The following BEST2 variants were observed in gnomAD, a reference collection of about 807,000 sequenced individuals.
BEST2 encodes the protein bestrophin-2a.
In BEST2, 36 loss-of-function variants were observed where a neutral mutation model predicts 49.0. The observed-to-expected ratio is 0.73, with a 90% CI of 0.56 to 0.97. The LOEUF (loss-of-function observed/expected upper bound fraction) is 0.97. BEST2 is among the 50% of genes least tolerant of loss of function. BEST2 has a pLI of 0.00. For missense variants in BEST2, 672 were observed against 710.0 expected (o/e 0.95, Z 0.61); for synonymous variants, 335 against 304.4 (o/e 1.10, Z -1.05).
rs760251223 is a variant in BEST2 at position 12,752,692 on chromosome 19, C to T, written c.100C>T (p.Arg34Ter). The T allele has an allele frequency of 1.7e-5, 28 of 1,607,702 alleles. No individual in the cohort carries two copies. The highest frequency in any genetic ancestry group is 4.5e-5 in the East Asian group (2 of 44,626). Residue 34 changes from arginine to a stop codon, truncating the protein, a stop_gained, in exon 2 of 10, where the codon CGA becomes TGA. Coordinates refer to ENST00000553030, the MANE Select transcript of BEST2 (RefSeq NM_017682.3). LOFTEE classifies it high-confidence loss of function. ...TGGGAGCATCTACAAACTCCTGTGG[C>T]GAGAGCTGCTCTGCTTCCTTGGGTT... ...WRGSIYKLLWRELLCFLGFYM... is the reference protein window; with the variant it reads ...WRGSIYKLLW
At position 12,757,654 on chromosome 19, in the gene BEST2, G is replaced by A; in HGVS notation, c.1107G>A (p.Leu369=). 1 of 1,537,168 alleles carries A rather than the reference G, an allele frequency of 6.5e-7. No individual in the cohort carries two copies. Among genetic ancestry groups the A allele is most frequent in the Non-Finnish European group, 8.7e-7 (1 of 1,147,006 alleles). The part of the protein sequence containing the change: ...SFQGSTFDIT[L]AKEDMQFQRL... ...TGGCCCACTGTCGGTCCCGCAGGCT[G>A]GCCAAAGAAGACATGCAGTTCCAGC... is the stretch of plus-strand genomic sequence containing the variant. The change falls in exon 10 of 10, where the codon CTG becomes CTA. Residue 369 remains leucine (L), a synonymous_variant. Coordinates refer to ENST00000553030, the MANE Select transcript of BEST2 (RefSeq NM_017682.3).
chr19:12,755,843 C>T lies in BEST2; in HGVS notation c.868-12C>T, dbSNP rs1363414291. The T allele has an allele frequency of 6.2e-7, 1 of 1,613,998 alleles. No individual in the cohort carries two copies. Among genetic ancestry groups the T allele is most frequent in the African/African-American group, 1.3e-5 (1 of 74,934 alleles). On this transcript the variant is annotated splice_polypyrimidine_tract_variant and intron_variant, in intron 7 of 9. Transcript: ENST00000553030. This position sits in a 1 kb window ranked among gnomAD's most constrained non-coding sequence, Gnocchi z 4.4. ...TCCCAAGTTTCCACCTAACTGCTCC[C>T]TCTCCTCTCAGGTAGCTGAGCAGCT...
In BEST2 at chr19:12,756,258, C is replaced by A; in HGVS notation, c.1066C>A (p.Arg356=). 2.5e-6 allele frequency: 4 copies of A among 1,613,914 alleles called. No homozygotes were observed. The highest frequency in any genetic ancestry group is 3.4e-6 in the Non-Finnish European group (4 of 1,180,046). ...PYTAATVFQL[R]QPSFQGSTFD... ...CACAGCGGCTACTGTCTTCCAGCTG[C>A]GGCAGCCTTCCTTCCAGGGCTCCAC... The change falls in exon 9 of 10, where the codon CGG becomes AGG. Residue 356 remains arginine (R), a synonymous_variant. Coordinates refer to ENST00000553030, the MANE Select transcript of BEST2 (RefSeq NM_017682.3).
chr19:12,753,958 A>C (rs1411149212), intron 3 of BEST2, among the ~76,000 whole-genome samples: 1 of 148,910 alleles, frequency 6.7e-6, no homozygotes, highest in Non-Finnish European at 1.5e-5. Context: ...CAGTCTGCCC[A>C]CGTGCCCCTA....
At chr19:12,756,421 T>C in intron 9 of BEST2, 126 bp downstream of exon 9, 1 of 1,306,868 alleles carries the variant, frequency 7.7e-7, no homozygotes, top group Non-Finnish European at 1.1e-6. Context: ...CTCAGGACTG[T>C]GATAACGCCA....
intron 3 of BEST2, among the ~76,000 whole-genome samples, chr19:12,753,997 C>T (rs1043697455): frequency 6.7e-5 from 10 of 149,492 alleles, no homozygotes; most frequent in Non-Finnish European, 1.0e-4. Context: ...TATCCCCATA[C>T]TGGGATCCCA....
rs1048801443 is a variant in BEST2, at chr19:12,754,917, G to A, written c.522G>A (p.Leu174=). The A allele has an allele frequency of 6.2e-7, 1 of 1,613,882 alleles. No homozygotes were observed. The highest frequency in any genetic ancestry group is 8.5e-7 in the Non-Finnish European group (1 of 1,179,894). The change falls in exon 5 of 10, where the codon CTG becomes CTA. Residue 174 remains leucine, a synonymous_variant. Transcript: ENST00000553030. ...AGGAGCGCAAGAAGTTTGAAAACCT[G>A]AACTCATCCTACAACAAGTACTGGG... is the stretch of plus-strand genomic sequence containing the variant. The part of the protein sequence containing the change: ...TREERKKFEN[L]NSSYNKYWVP...
intron 1 of BEST2, 72 bp from the exon 2 acceptor site, chr19:12,752,470 G>C (rs767658400): frequency 9.8e-5 from 102 of 1,043,442 alleles, no homozygotes; most frequent in South Asian, 1.3e-4. Flanking sequence ...AGGACTGAAG[G>C]GGTGGCGGGC....
At position 12,754,943 on chromosome 19, in the gene BEST2, T is replaced by G; in HGVS notation, c.548T>G (p.Val183Gly). 1.2e-6 allele frequency: 2 copies of G among 1,613,930 alleles called. No homozygotes were observed. The highest frequency in any genetic ancestry group is 1.7e-6 in the Non-Finnish European group (2 of 1,179,920). The change falls in exon 5 of 10, where the codon GTG (valine) becomes GGG (glycine). Residue 183 changes from valine (V) to glycine (G), a missense_variant. Val to Gly is a moderately radical substitution (Grantham distance 109). Transcript: ENST00000553030. ...NLNSSYNKYW[V>G]PCVWFSNLAA... ...AACTCATCCTACAACAAGTACTGGG[T>G]GCCCTGCGTCTGGTTCTCCAACCTG...
In BEST2 at chr19:12,752,580, G is replaced by A. The variant is rs780216065; in HGVS notation, c.-13G>A. 1.9e-6 allele frequency: 3 copies of A among 1,610,326 alleles called. No homozygotes were observed. The highest frequency in any genetic ancestry group is 1.7e-6 in the Non-Finnish European group (2 of 1,179,140). On this transcript the variant is annotated 5_prime_UTR_variant, in exon 2 of 10. Transcript: ENST00000553030. The stretch of plus-strand genomic sequence containing the variant: ...CACCCACTCTCCCTTGGCCACACCT[G>A]CCGGGTGCCACGATGACCGTCACCT...
chr19:12,758,057 G>A lies in BEST2; in HGVS notation c.1510G>A (p.Glu504Lys), dbSNP rs1406222823. Residue 504 changes from glutamate to lysine, a missense_variant, in exon 10 of 10, where the codon GAG (glutamate) becomes AAG (lysine). Physicochemically the swap from Glu to Lys is moderately conservative, Grantham distance 56. This residue lies in a region of BEST2 where 291 missense variants were observed against 279.8 expected (regional missense o/e 1.04). Coordinates refer to ENST00000553030, the MANE Select transcript of BEST2 (RefSeq NM_017682.3). Reference protein sequence around the residue: ...PPWLPSPIGEEEENLA With the variant: ...PPWLPSPIGEKEENLA ...CTGGCTGCCCAGCCCTATTGGCGAG[G>A]AGGAGGAGAATCTGGCCTGAGATCT... The A allele has an allele frequency of 4.3e-6, 7 of 1,613,124 alleles. No homozygotes were observed. Among genetic ancestry groups the A allele is most frequent in the Admixed American group, 3.3e-5 (2 of 59,992 alleles).
Position 12,753,320 on chromosome 19 carries a change from G to A in BEST2, c.213G>A (p.Gln71=). The change falls in exon 3 of 10, where the codon CAG becomes CAA. Residue 71 remains glutamine (Q), a synonymous_variant. Transcript: ENST00000553030. ...AGAAGCTTGTGATTTATTGTGACCA[G>A]TATGCCAGCCTCATCCCTGTCTCCT... ...YFEKLVIYCD[Q]YASLIPVSFV... The A allele has an allele frequency of 1.2e-6, 2 of 1,614,144 alleles. No homozygotes were observed. Among genetic ancestry groups the A allele is most frequent in the Non-Finnish European group, 1.7e-6 (2 of 1,180,018 alleles).
rs1042649342 is a variant in BEST2 at position 12,757,701 on chromosome 19, C to T, written c.1154C>T (p.Pro385Leu). 4 of 1,546,306 alleles carry T rather than the reference C, an allele frequency of 2.6e-6. No individual in the cohort carries two copies. The East Asian group carries it at 9.7e-5, about 38-fold the overall frequency. Residue 385 changes from proline to leucine, a missense_variant, in exon 10 of 10, where the codon CCG becomes CTG. This residue lies in a region of BEST2 where 291 missense variants were observed against 279.8 expected (regional missense o/e 1.04). Coordinates refer to ENST00000553030, the MANE Select transcript of BEST2 (RefSeq NM_017682.3). ...QFQRLDGLDG[P>L]MGEAPGDFLQ... ...CAGCGGCTGGACGGCTTGGATGGAC[C>T]GATGGGAGAGGCGCCCGGCGACTTC...
rs1050934948 is a variant in BEST2, at chr19:12,756,424, T to C, written c.1103+129T>C. On this transcript the variant is annotated intron_variant, in intron 9 of 9. Transcript: ENST00000553030. ...AAGAGCTAAAGTCTCAGGACTGTGA[T>C]AACGCCAGAAGCTAAGATAGGAGTC... is the stretch of plus-strand genomic sequence containing the variant. The C allele has an allele frequency of 1.4e-5, 18 of 1,291,054 alleles. No homozygotes were observed. In the African/African-American group the frequency reaches 2.7e-4, roughly 19 times the overall value. The allele number at this position is 1,291,054 out of a possible 1,614,324, so 80.0% of individuals were successfully genotyped here.
chr19:12,758,073 C>T lies in BEST2; in HGVS notation c.1526C>T (p.Ala509Val), dbSNP rs1967968603. The change falls in exon 10 of 10, where the codon GCC becomes GTC. Residue 509 changes from alanine (A) to valine (V), a missense_variant. This residue lies in a region of BEST2 where 291 missense variants were observed against 279.8 expected (regional missense o/e 1.04). Coordinates refer to ENST00000553030, the MANE Select transcript of BEST2 (RefSeq NM_017682.3). ...SPIGEEEENL[A>V] ...ATTGGCGAGGAGGAGGAGAATCTGG[C>T]CTGAGATCTTAGAGCCCAGCCCCCT... 1 of 1,612,680 alleles carries T rather than the reference C, an allele frequency of 6.2e-7. No homozygotes were observed. The highest frequency in any genetic ancestry group is 2.2e-5 in the East Asian group (1 of 44,868).
chr19:12,755,485 C>G lies in BEST2; in HGVS notation c.714+29C>G. 1 of 1,612,488 alleles carries G rather than the reference C, an allele frequency of 6.2e-7. No homozygotes were observed. The highest frequency in any genetic ancestry group is 8.5e-7 in the Non-Finnish European group (1 of 1,178,532). On this transcript the variant is annotated intron_variant, in intron 6 of 9. Transcript: ENST00000553030. The surrounding 1 kb of genome is among the most constrained non-coding windows in gnomAD (Gnocchi z 4.4). ...ACCCCATCATGCCTCTTTTTATATTCGGTGTCAGTGGCCCTGATGCCTGGT... is the reference window on the plus strand; with the variant it reads ...ACCCCATCATGCCTCTTTTTATATTGGGTGTCAGTGGCCCTGATGCCTGGT...
intron 3 of BEST2, 42 bp from the exon 4 acceptor site, chr19:12,754,510 C>T (rs1307855999): frequency 7.0e-7 from 1 of 1,430,838 alleles, no homozygotes; most frequent in Non-Finnish European, 9.3e-7. Flanking sequence ...AACCCCTGGC[C>T]CTGGTGTCCC....
At position 12,756,166 on chromosome 19, in the gene BEST2, T is replaced by C. The variant is rs1967941928; in HGVS notation, c.974T>C (p.Met325Thr). ...FQVSMLAVDEMYDDLAVLEKD... is the reference protein window; with the variant it reads ...FQVSMLAVDETYDDLAVLEKD... ...GTGTCCATGCTGGCAGTGGACGAGA[T>C]GTATGATGACCTGGCTGTGCTGGAG... is the stretch of plus-strand genomic sequence containing the variant. The change falls in exon 9 of 10, where the codon ATG (methionine) becomes ACG (threonine). Residue 325 changes from methionine (M) to threonine (T), a missense_variant. Around this residue, in one of 3 missense-constraint regions of BEST2, gnomAD observed 291 missense variants for 279.8 expected, o/e 1.04. Transcript: ENST00000553030. 1.9e-6 allele frequency: 3 copies of C among 1,614,270 alleles called. No individual in the cohort carries two copies. The highest frequency in any genetic ancestry group is 1.1e-5 in the South Asian group (1 of 91,086).
In BEST2 at chr19:12,752,567, C is replaced by T; in HGVS notation, c.-26C>T. On this transcript the variant is annotated 5_prime_UTR_variant, in exon 2 of 10. Coordinates refer to ENST00000553030, the MANE Select transcript of BEST2 (RefSeq NM_017682.3). ...CCCCCACCCGGGCCACCCACTCTCC[C>T]TTGGCCACACCTGCCGGGTGCCACG... 6.2e-7 allele frequency: 1 copy of T among 1,609,184 alleles called. No homozygotes were observed. The highest frequency in any genetic ancestry group is 2.2e-5 in the East Asian group (1 of 44,824).
Sources: gnomAD v4.1 joint callset for allele counts (sites outside exome capture counted in the v4.1 genomes callset) on GRCh38, gnomAD v4.1.1 for gene constraint, gnomAD v4.1.1 regional missense constraint, Gnocchi (gnomAD v3.1) non-coding constraint, MANE v1.5 for transcripts, NCBI Gene and HGNC (gene_info 2026-07-23, HGNC 2026-07-21) for gene names.